Variants in MCC observed in about 807,000 individuals in gnomAD.
MCC encodes MCC regulator of Wnt signaling pathway, also known as colorectal mutant cancer protein.
MCC carries 90 observed loss-of-function variants against 116.2 expected under a neutral mutation model. That is an observed-to-expected ratio of 0.77 (90% CI 0.65 to 0.92). The LOEUF is 0.92. MCC is among the 40% of genes least tolerant of loss of function. The pLI is 0.00. For missense variants in MCC, 1,516 were observed against 1,312.2 expected (o/e 1.16, Z -2.40); for synonymous variants, 578 against 510.5 (o/e 1.13, Z -1.78).
intron 1 of MCC, among the ~76,000 whole-genome samples, chr5:113,386,258 G>C (rs1026097390): frequency 2.0e-5 from 3 of 152,130 alleles, no homozygotes; most frequent in African/African-American, 4.8e-5. Flanking sequence ...CAGTTATCTG[G>C]AGAATATAAC....
intron 15 of MCC, among the ~76,000 whole-genome samples, chr5:113,052,115 G>A (rs892540808): frequency 3.9e-5 from 5 of 127,724 alleles, no homozygotes; most frequent in Non-Finnish European, 8.8e-5. Context: ...AGTGGCAAAG[G>A]GAGTATTAGA....
chr5:113,466,089 T>C (rs1288607776), intron 1 of MCC, among the ~76,000 whole-genome samples: 7 of 152,012 alleles, frequency 4.6e-5, no homozygotes, highest in African/African-American at 1.7e-4. Flanking sequence ...GGGAACAGTG[T>C]GAGCCATAGC....
At chr5:113,072,643 C>T (rs1343629866) in intron 11 of MCC, among the ~76,000 whole-genome samples, 2 of 152,180 alleles carry the variant, frequency 1.3e-5, no homozygotes, top group Non-Finnish European at 1.5e-5. Flanking sequence ...CTCTCAGTCT[C>T]CTTTGCTAGA....
At chr5:113,195,285 A>G (rs1400611257) in intron 3 of MCC, among the ~76,000 whole-genome samples, 2 of 152,212 alleles carry the variant, frequency 1.3e-5, no homozygotes, top group African/African-American at 4.8e-5. Flanking sequence ...CAGCATCGGG[A>G]ATGTAGAACC....
intron 2 of MCC, among the ~76,000 whole-genome samples, chr5:113,358,465 T>G (rs890296028): frequency 1.3e-5 from 2 of 152,218 alleles, no homozygotes; most frequent in African/African-American, 2.4e-5. Context: ...ACTGGGCTCT[T>G]TCATCACAAC....
At chr5:113,416,570 A>T (rs1348540411) in intron 1 of MCC, among the ~76,000 whole-genome samples, 3 of 152,224 alleles carry the variant, frequency 2.0e-5, no homozygotes, top group Non-Finnish European at 2.9e-5. Flanking sequence ...ATACATATAT[A>T]TCTATACATA....
At chr5:113,459,131 A>ATGTG (rs1491293367) in intron 1 of MCC, among the ~76,000 whole-genome samples, 32 of 64,058 alleles carry the variant, frequency 5.0e-4, no homozygotes, top group African/African-American at 1.2e-3. Flanking sequence ...AGGAGTAAGG[A>ATGTG]TATGTGTGTG....
chr5:113,378,792 G>A (rs1331376161), intron 2 of MCC, among the ~76,000 whole-genome samples: 1 of 152,160 alleles, frequency 6.6e-6, no homozygotes, highest in Non-Finnish European at 1.5e-5. Context: ...CTTGGCTGAA[G>A]TAAAAAAGAA....
intron 1 of MCC, among the ~76,000 whole-genome samples, chr5:113,477,136 T>G (rs1315652918): frequency 6.6e-6 from 1 of 152,196 alleles, no homozygotes; most frequent in East Asian, 1.9e-4. Flanking sequence ...GCAGACTAAG[T>G]GCTTACTTGG....
At chr5:113,465,930 C>T (rs1428869420) in intron 1 of MCC, among the ~76,000 whole-genome samples, 2 of 151,622 alleles carry the variant, frequency 1.3e-5, no homozygotes, top group African/African-American at 4.8e-5. Context: ...ATTAGGAATA[C>T]ATTAACCCAC....
rs781271257 is a variant in MCC at position 113,048,870 on chromosome 5, A to G, written c.2655+223T>C. ...CTCTGATGTGACTGTGATATGTGAA[A>G]AGGTTCAACTATTACATAAAGTGAG... On this transcript the variant is annotated intron_variant, in intron 16 of 18. Coordinates refer to ENST00000408903, the MANE Select transcript of MCC (RefSeq NM_001085377.2). 2.0e-5 allele frequency: 12 copies of G among 589,334 alleles called. No individual in the cohort carries two copies. In the East Asian group the frequency reaches 3.4e-4, roughly 17 times the overall value. The allele number at this position is 589,334 out of a possible 1,614,324, so 36.5% of individuals were successfully genotyped here.
In MCC at chr5:113,487,594, T is replaced by C. The variant is rs113309214; in HGVS notation, c.170+651A>G. On this transcript the variant is annotated intron_variant, in intron 1 of 18. Transcript: ENST00000408903. ...GCCCGGAGCCACGCCGAAGCTCACC[T>C]GGTCAGCGCACAGAGCCGGGTAGGA... Among the ~76,000 whole-genome samples the C allele has an allele frequency of 3.9e-5, 6 of 152,360 alleles. No individual in the cohort carries two copies. The East Asian group carries it at 7.7e-4, about 20-fold the overall frequency.
chr5:113,052,454 T>A, intron 15 of MCC, among the ~76,000 whole-genome samples: 1 of 124,148 alleles, frequency 8.1e-6, no homozygotes, highest in Non-Finnish European at 1.6e-5. Flanking sequence ...TGAGCCAGTT[T>A]GGAAATCATG....
intron 1 of MCC, among the ~76,000 whole-genome samples, chr5:113,471,608 C>T (rs1772092910): frequency 6.6e-6 from 1 of 152,022 alleles, no homozygotes; most frequent in African/African-American, 2.4e-5. Context: ...TTAGGCTACT[C>T]GGGGGTCAGG....
Position 113,433,913 on chromosome 5 carries a change from G to A in MCC, c.171-48701C>T, listed in dbSNP as rs1451520126. On this transcript the variant is annotated intron_variant, in intron 1 of 18. Transcript: ENST00000408903. ...CCTCTCCCTCAGGCTCCAGCTTGGT[G>A]GCAGACTTCTTGTCAGAGCCAGGTT... 3 of 1,613,880 alleles carry A rather than the reference G, an allele frequency of 1.9e-6. No homozygotes were observed. In the African/African-American group the frequency reaches 4.0e-5, roughly 22 times the overall value.
intron 1 of MCC, among the ~76,000 whole-genome samples, chr5:113,452,496 G>C (rs1771429576): frequency 6.6e-6 from 1 of 152,220 alleles, no homozygotes; most frequent in Non-Finnish European, 1.5e-5. Context: ...TATGAAGAGA[G>C]TGAAAGACAG....
chr5:113,127,658 T>C (rs181717593), intron 5 of MCC, among the ~76,000 whole-genome samples: 1 of 152,312 alleles, frequency 6.6e-6, no homozygotes, highest in African/African-American at 2.4e-5. Flanking sequence ...TTTTGAAAAA[T>C]GTCTGTTCAT....
At chr5:113,488,131 C>G in intron 1 of MCC, 114 bp downstream of exon 1, 1 of 1,132,392 alleles carries the variant, frequency 8.8e-7, no homozygotes, top group African/African-American at 1.6e-5. Flanking sequence ...CAACTTTTCC[C>G]GCGAGCTTCT....
At chr5:113,383,659 T>C (rs13154300) in intron 2 of MCC, among the ~76,000 whole-genome samples, 21,240 of 151,948 alleles carry the variant, frequency 0.14, 1,789 homozygotes, top group Non-Finnish European at 0.2. Context: ...CGTGTTTTTT[T>C]ATAATGAACA....
Sources: gnomAD v4.1 joint callset for allele counts (sites outside exome capture counted in the v4.1 genomes callset) on GRCh38, gnomAD v4.1.1 for gene constraint, MANE v1.5 for transcripts, NCBI Gene and HGNC (gene_info 2026-07-23, HGNC 2026-07-21) for gene names.